RASA3: variants seen among roughly 807,000 people sequenced by gnomAD.
The protein encoded by RASA3 is RAS p21 protein activator 3.
In RASA3, 73 loss-of-function variants were observed where a neutral mutation model predicts 110.0. The ratio of observed to expected loss-of-function variants is 0.66; its 90% CI spans 0.55 to 0.81. The LOEUF is 0.81. Ranked by LOEUF, RASA3 falls within the 30% of genes least tolerant of loss-of-function variation. The probability of loss-of-function intolerance (pLI) is 0.00; values close to 1 mark genes in which losing one functional copy is unlikely to be tolerated. For missense variants in RASA3, 976 were observed against 1,113.2 expected (o/e 0.88, Z 1.75); for synonymous variants, 500 against 451.4 (o/e 1.11, Z -1.37).
chr13:113,994,066 A>G (rs1464813520), intron 21 of RASA3, among the ~76,000 whole-genome samples: 1 of 152,230 alleles, frequency 6.6e-6, no homozygotes, highest in Non-Finnish European at 1.5e-5. Flanking sequence ...TAGCTAAAAC[A>G]ATTCTTAAAT....
intron 4 of RASA3, among the ~76,000 whole-genome samples, chr13:114,038,077 T>TA (rs541898809): frequency 0.046 from 5,334 of 116,570 alleles, 289 homozygotes; most frequent in African/African-American, 0.15. Context: ...ATTAAATCAG[T>TA]AAAAAAAAAA....
At chr13:114,066,838 G>C (rs917798691) in intron 2 of RASA3, among the ~76,000 whole-genome samples, 2 of 152,258 alleles carry the variant, frequency 1.3e-5, no homozygotes, top group Non-Finnish European at 2.9e-5. Context: ...GGGAGATTTG[G>C]GGCCAGCATT....
At chr13:114,024,456 A>G in intron 7 of RASA3, 101 bp from the exon 8 acceptor site, 2 of 1,023,228 alleles carry the variant, frequency 2.0e-6, no homozygotes, top group Non-Finnish European at 3.0e-6. Context: ...GCGCTTACCC[A>G]CACACCACTC....
intron 4 of RASA3, among the ~76,000 whole-genome samples, chr13:114,036,710 T>C (rs2054285267): frequency 6.6e-6 from 1 of 152,178 alleles, no homozygotes; most frequent in South Asian, 2.1e-4. Context: ...GCTAATTTTG[T>C]ATTTTCAGTA....
intron 1 of RASA3, among the ~76,000 whole-genome samples, chr13:114,128,893 C>T (rs973815588): frequency 1.3e-5 from 2 of 151,962 alleles, no homozygotes; most frequent in Non-Finnish European, 2.9e-5. Context: ...CACCGCGGTG[C>T]GAGAGCCTTT....
At chr13:113,997,530 TG>T (rs1339043035) in intron 20 of RASA3, among the ~76,000 whole-genome samples, 3 of 150,060 alleles carry the variant, frequency 2.0e-5, no homozygotes, top group Non-Finnish European at 4.4e-5. Flanking sequence ...CTGGGGCAGG[TG>T]GGACAGGGGT....
chr13:114,011,146 G>A lies in RASA3; in HGVS notation c.1590+25C>T. ...GAAAAGAATCAGTTGTCCCTAAAAAGAGAAAATGAAGAAGAGGGACTCACA... is the reference window on the plus strand; with the variant it reads ...GAAAAGAATCAGTTGTCCCTAAAAAAAGAAAATGAAGAAGAGGGACTCACA... On this transcript the variant is annotated intron_variant, in intron 16 of 23. Coordinates refer to ENST00000334062, the MANE Select transcript of RASA3 (RefSeq NM_007368.4). The surrounding 1 kb of genome is among the most constrained non-coding windows in gnomAD (Gnocchi z 4.8). 1.3e-6 allele frequency: 2 copies of A among 1,578,076 alleles called. No individual in the cohort carries two copies. The highest frequency in any genetic ancestry group is 1.7e-6 in the Non-Finnish European group (2 of 1,149,024).
chr13:114,120,925 C>T (rs914255501), intron 1 of RASA3, among the ~76,000 whole-genome samples: 1 of 152,246 alleles, frequency 6.6e-6, no homozygotes, highest in Admixed American at 6.5e-5. Context: ...ACATCTGTCT[C>T]ATTTGAATTC....
rs553894361 is a variant in RASA3 at position 114,077,120 on chromosome 13, T to C, written c.56-3283A>G. Among the ~76,000 whole-genome samples the C allele has an allele frequency of 2.0e-5, 3 of 152,278 alleles. No individual in the cohort carries two copies. In the South Asian group the frequency reaches 6.2e-4, roughly 32 times the overall value. On this transcript the variant is annotated intron_variant, in intron 1 of 23. Coordinates refer to ENST00000334062, the MANE Select transcript of RASA3 (RefSeq NM_007368.4). ...GTTTGTGGATAATACGGAACTGAGA[T>C]TTGTTCCCACAGGGCCTCAAATCAC... is the stretch of plus-strand genomic sequence containing the variant.
intron 1 of RASA3, among the ~76,000 whole-genome samples, chr13:114,126,785 C>A (rs1311836299): frequency 6.6e-6 from 1 of 152,070 alleles, no homozygotes; most frequent in African/African-American, 2.4e-5. Flanking sequence ...TTAATCTCTG[C>A]AAAAGAAGGC....
intron 4 of RASA3, among the ~76,000 whole-genome samples, chr13:114,038,087 A>T (rs2054315060): frequency 6.6e-6 from 1 of 152,146 alleles, no homozygotes. Flanking sequence ...TAAAAAAAAA[A>T]AAAAGGCAAG....
chr13:114,072,072 G>A (rs2079581387), intron 2 of RASA3, among the ~76,000 whole-genome samples: 1 of 152,012 alleles, frequency 6.6e-6, no homozygotes, highest in Admixed American at 6.6e-5. Flanking sequence ...CATCTTCTCT[G>A]ATCCCCAAGC....
Position 114,011,044 on chromosome 13 carries a change from G to T in RASA3, c.1590+127C>A. On this transcript the variant is annotated intron_variant, in intron 16 of 23. Transcript: ENST00000334062. This position sits in a 1 kb window ranked among gnomAD's most constrained non-coding sequence, Gnocchi z 4.8. ...CCTGGGTTTCAAGAGAGGATGTGGT[G>T]CCGGCTTTGATTCTTGATCTTTATC... is the stretch of plus-strand genomic sequence containing the variant. The T allele has an allele frequency of 1.1e-6, 1 of 895,514 alleles. No individual in the cohort carries two copies. The highest frequency in any genetic ancestry group is 1.8e-6 in the Non-Finnish European group (1 of 564,272). 55.5% of individuals were successfully genotyped at this position (895,514 alleles called of 1,614,324 possible).
At chr13:114,047,913 A>C (rs1305291608) in intron 3 of RASA3, among the ~76,000 whole-genome samples, 2 of 152,202 alleles carry the variant, frequency 1.3e-5, no homozygotes, top group African/African-American at 4.8e-5. Flanking sequence ...CTGTGGGAAC[A>C]TATCTTAGCT....
chr13:114,131,595 G>A (rs2080520877), intron 1 of RASA3, among the ~76,000 whole-genome samples: 1 of 152,196 alleles, frequency 6.6e-6, no homozygotes, highest in African/African-American at 2.4e-5. Context: ...CAGCCTCGCA[G>A]GCCCTGGTCG....
At chr13:114,123,608 T>C (rs12429870) in intron 1 of RASA3, among the ~76,000 whole-genome samples, 66,954 of 151,760 alleles carry the variant, frequency 0.44, 14,878 homozygotes, top group Non-Finnish European at 0.47. Context: ...ACAATCACCC[T>C]TAGGCTTTGT....
At chr13:114,067,435 G>C (rs891414050) in intron 2 of RASA3, among the ~76,000 whole-genome samples, 2 of 152,232 alleles carry the variant, frequency 1.3e-5, no homozygotes, top group Non-Finnish European at 2.9e-5. Flanking sequence ...CTTTTCATGA[G>C]TCGCCTAATG....
At chr13:114,060,638 C>T (rs1394979955) in intron 2 of RASA3, among the ~76,000 whole-genome samples, 1 of 152,248 alleles carries the variant, frequency 6.6e-6, no homozygotes, top group East Asian at 1.9e-4. Context: ...ACCGGACACG[C>T]CCCGTTCCGC....
At chr13:114,109,687 C>T (rs2080189335) in intron 1 of RASA3, among the ~76,000 whole-genome samples, 3 of 152,224 alleles carry the variant, frequency 2.0e-5, no homozygotes, top group African/African-American at 7.2e-5. Context: ...CCTCCTTCTG[C>T]TCCATCCCGG....
Sources: allele counts gnomAD v4.1 joint callset (sites outside exome capture counted in the v4.1 genomes callset), GRCh38; gene constraint gnomAD v4.1.1; non-coding constraint Gnocchi (gnomAD v3.1); transcripts MANE v1.5; gene names NCBI Gene and HGNC (gene_info 2026-07-23, HGNC 2026-07-21).